Variants in EDARADD observed in about 807,000 individuals in gnomAD.
The protein encoded by EDARADD is EDAR associated via death domain.
Under a neutral mutation model 25.6 loss-of-function variants are expected in EDARADD, and 20 were observed. The ratio of observed to expected loss-of-function variants is 0.78; its 90% CI spans 0.55 to 1.14. The LOEUF (loss-of-function observed/expected upper bound fraction) is 1.14, where lower values mean the gene tolerates loss of function less well. Among genes scored for constraint, EDARADD ranks in the 50% most tolerant of loss-of-function variants. The probability of loss-of-function intolerance (pLI) is 0.00; values close to 1 mark genes in which losing one functional copy is unlikely to be tolerated. For synonymous variants in EDARADD, 86 were observed against 94.4 expected (o/e 0.91, Z 0.52); for missense variants, 225 against 270.1 (o/e 0.83, Z 1.17).
At chr1:236,403,011 A>C (rs1171376924) in intron 1 of EDARADD, among the ~76,000 whole-genome samples, 4 of 151,844 alleles carry the variant, frequency 2.6e-5, no homozygotes, top group Non-Finnish European at 5.9e-5. Flanking sequence ...GCTGGAGTGC[A>C]GTGTTGAGAT....
At chr1:236,358,792 T>C (rs1272486364) in intron 3 of EDARADD, among the ~76,000 whole-genome samples, 1 of 152,218 alleles carries the variant, frequency 6.6e-6, no homozygotes. Flanking sequence ...TACTTCCAAT[T>C]ATGTGATCAA....
At chr1:236,414,661 C>T (rs574883130) in intron 3 of EDARADD, among the ~76,000 whole-genome samples, 12 of 152,158 alleles carry the variant, frequency 7.9e-5, no homozygotes, top group African/African-American at 2.9e-4. Flanking sequence ...TGGCCAGGCG[C>T]GGTGGCTCGC....
chr1:236,484,181 C>T lies in EDARADD; in HGVS notation c.*1532C>T, dbSNP rs1255224116. On this transcript the variant is annotated 3_prime_UTR_variant, in exon 6 of 6. Coordinates refer to ENST00000334232, the MANE Select transcript of EDARADD (RefSeq NM_145861.4). The surrounding 1 kb of genome is among the most constrained non-coding windows in gnomAD (Gnocchi z 4.1). ...CCGTGAATGAGAAGAAGTGCAACTGCCTCCTGCTCAAAGTGAACCAGATTC... is the reference window on the plus strand; with the variant it reads ...CCGTGAATGAGAAGAAGTGCAACTGTCTCCTGCTCAAAGTGAACCAGATTC... 1.7e-6 allele frequency: 2 copies of T among 1,162,982 alleles called. No individual in the cohort carries two copies. Among genetic ancestry groups the T allele is most frequent in the African/African-American group, 3.0e-5 (2 of 66,326 alleles). 72.0% of individuals were successfully genotyped at this position (1,162,982 alleles called of 1,614,324 possible). A position where few individuals can be genotyped will look rare whatever the true frequency, so the allele number is the denominator to read the frequency against.
At chr1:236,396,856 T>C (rs1037928657) in intron 1 of EDARADD, among the ~76,000 whole-genome samples, 1 of 151,430 alleles carries the variant, frequency 6.6e-6, no homozygotes, top group African/African-American at 2.4e-5. Context: ...CCCACTCCAC[T>C]CCTACCCTAG....
chr1:236,444,169 A>G (rs1280211483), intron 4 of EDARADD, among the ~76,000 whole-genome samples: 2 of 152,210 alleles, frequency 1.3e-5, no homozygotes, highest in African/African-American at 4.8e-5. Flanking sequence ...TATAGTGTAA[A>G]TATAACTTTT....
intron 3 of EDARADD, among the ~76,000 whole-genome samples, chr1:236,368,817 A>C (rs932019610): frequency 6.6e-6 from 1 of 152,026 alleles, no homozygotes; most frequent in Non-Finnish European, 1.5e-5. Context: ...TCTTTCTCTT[A>C]TATTTCTATT....
chr1:236,464,680 G>A (rs1005576814), intron 4 of EDARADD, among the ~76,000 whole-genome samples: 16 of 151,814 alleles, frequency 1.1e-4, no homozygotes, highest in African/African-American at 3.6e-4. Context: ...CGATTGGCCC[G>A]CCTCGGCCTC....
At chr1:236,422,984 T>C in intron 3 of EDARADD, among the ~76,000 whole-genome samples, 1 of 152,184 alleles carries the variant, frequency 6.6e-6, no homozygotes, top group Non-Finnish European at 1.5e-5. Flanking sequence ...GCTGCTCTAA[T>C]AATGTGTAGA....
intron 1 of EDARADD, among the ~76,000 whole-genome samples, chr1:236,403,436 C>T (rs1185912126): frequency 2.0e-5 from 3 of 151,796 alleles, no homozygotes; most frequent in South Asian, 2.1e-4. Context: ...TACAGGTGCC[C>T]GCCACCATGC....
At chr1:236,376,814 T>C (rs753660040) in intron 3 of EDARADD, among the ~76,000 whole-genome samples, 3 of 152,146 alleles carry the variant, frequency 2.0e-5, no homozygotes, top group Non-Finnish European at 4.4e-5. Flanking sequence ...GTTAAACCTT[T>C]AGTAGTTGTC....
At chr1:236,471,537 TCAA>T (rs964894171) in intron 5 of EDARADD, among the ~76,000 whole-genome samples, 10 of 152,058 alleles carry the variant, frequency 6.6e-5, no homozygotes, top group Admixed American at 2.6e-4. Flanking sequence ...TGACTCTCCT[TCAA>T]CACTTGTTGG....
upstream of EDARADD, among the ~76,000 whole-genome samples, chr1:236,390,809 C>T (rs1001640430): frequency 2.0e-5 from 3 of 152,244 alleles, no homozygotes; most frequent in South Asian, 6.2e-4. Flanking sequence ...AGCTTCCTGG[C>T]TTCCTGTTGT....
At chr1:236,403,987 T>TG (rs1402966630) in intron 1 of EDARADD, among the ~76,000 whole-genome samples, 1 of 152,170 alleles carries the variant, frequency 6.6e-6, no homozygotes, top group Non-Finnish European at 1.5e-5. Context: ...GTCACCGACC[T>TG]GGGGGAGCCC....
chr1:236,390,220 T>C (rs1174014203), upstream of EDARADD, among the ~76,000 whole-genome samples: 1 of 152,058 alleles, frequency 6.6e-6, no homozygotes, highest in Non-Finnish European at 1.5e-5. Context: ...TGTATTCTCC[T>C]CGGGTGATGG....
At chr1:236,439,570 T>A (rs924875351) in intron 4 of EDARADD, among the ~76,000 whole-genome samples, 7 of 152,234 alleles carry the variant, frequency 4.6e-5, no homozygotes, top group Non-Finnish European at 7.3e-5. Flanking sequence ...GGTATCTTAT[T>A]GTTGTTTTAA....
At chr1:236,369,589 C>T (rs553806345) in intron 3 of EDARADD, among the ~76,000 whole-genome samples, 57 of 152,290 alleles carry the variant, frequency 3.7e-4, no homozygotes, top group African/African-American at 1.3e-3. Flanking sequence ...TGCCTGTAAT[C>T]CCAGCACTTT....
At position 236,398,329 on chromosome 1, in the gene EDARADD, T is replaced by G. The variant is rs757757380; in HGVS notation, c.61+3824T>G. Among the ~76,000 whole-genome samples, 1 of 152,198 alleles carries G rather than the reference T, an allele frequency of 6.6e-6. No individual in the cohort carries two copies. ...TTAGGCTGGTCTCGAACTCCTGACC[T>G]CAAGTGATCCACCCACCTCGGCCTC... On this transcript the variant is annotated intron_variant, in intron 1 of 5. Transcript: ENST00000334232. The surrounding 1 kb of genome is among the most constrained non-coding windows in gnomAD (Gnocchi z 4.1).
intron 4 of EDARADD, among the ~76,000 whole-genome samples, chr1:236,437,475 G>A (rs1232769685): frequency 6.6e-6 from 1 of 152,090 alleles, no homozygotes; most frequent in Non-Finnish European, 1.5e-5. Flanking sequence ...AGCAGGGGAT[G>A]GTCTAGGGGT....
intron 4 of EDARADD, among the ~76,000 whole-genome samples, chr1:236,447,219 TC>T (rs1658579813): frequency 1.6e-4 from 7 of 42,856 alleles, no homozygotes; most frequent in African/African-American, 5.0e-4. Flanking sequence ...TTTCTTTCTT[TC>T]TTTCCTTTCT....
Sources: allele counts gnomAD v4.1 joint callset (sites outside exome capture counted in the v4.1 genomes callset), GRCh38; gene constraint gnomAD v4.1.1; non-coding constraint Gnocchi (gnomAD v3.1); transcripts MANE v1.5; gene names NCBI Gene and HGNC (gene_info 2026-07-23, HGNC 2026-07-21).